The following PAX5 variants were observed in gnomAD, a reference collection of about 807,000 sequenced individuals.
PAX5 encodes paired box protein Pax-5.
A neutral mutation model predicts 43.7 loss-of-function variants in PAX5; 9 were observed. The ratio of observed to expected loss-of-function variants is 0.21; its 90% CI spans 0.12 to 0.36. The LOEUF (loss-of-function observed/expected upper bound fraction) is 0.36, where lower values mean the gene tolerates loss of function less well. Ranked by LOEUF, PAX5 falls within the 10% of genes least tolerant of loss-of-function variation. The pLI is 1.00. For synonymous variants in PAX5, 228 were observed against 214.3 expected (o/e 1.06, Z -0.56); for missense variants, 383 against 532.7 (o/e 0.72, Z 2.77).
chr9:36,873,492 G>A (rs1587833896), intron 8 of PAX5, among the ~76,000 whole-genome samples: 1 of 152,258 alleles, frequency 6.6e-6, no homozygotes, highest in Non-Finnish European at 1.5e-5. Flanking sequence ...AGTCAGGAAC[G>A]AGCAACAGGT....
At chr9:36,904,477 A>T (rs770626116) in intron 7 of PAX5, among the ~76,000 whole-genome samples, 1 of 152,202 alleles carries the variant, frequency 6.6e-6, no homozygotes, top group Non-Finnish European at 1.5e-5. Context: ...CATTCATGCC[A>T]GAAACAACCT....
intron 8 of PAX5, among the ~76,000 whole-genome samples, chr9:36,848,262 T>A (rs1186759813): frequency 3.3e-5 from 5 of 151,666 alleles, no homozygotes; most frequent in Non-Finnish European, 7.4e-5. Flanking sequence ...GGGGCAGGAA[T>A]AATGAGGCAG....
intron 6 of PAX5, among the ~76,000 whole-genome samples, chr9:36,966,310 C>A (rs555222123): frequency 2.6e-5 from 4 of 152,314 alleles, no homozygotes; most frequent in Admixed American, 1.3e-4. Context: ...AGTCACCCAC[C>A]CCCTGGCTGG....
chr9:36,943,567 C>CAG (rs1832245576), intron 6 of PAX5, among the ~76,000 whole-genome samples: 1 of 151,308 alleles, frequency 6.6e-6, no homozygotes, highest in Non-Finnish European at 1.5e-5. Context: ...CACACACACA[C>CAG]AGCTACATAT....
intron 6 of PAX5, among the ~76,000 whole-genome samples, chr9:36,960,953 C>A (rs1463980184): frequency 6.6e-6 from 1 of 152,204 alleles, no homozygotes; most frequent in Non-Finnish European, 1.5e-5. Flanking sequence ...CTCCAGGAAG[C>A]CTTCCTCTTT....
chr9:36,931,490 C>G (rs1008331761), intron 6 of PAX5, among the ~76,000 whole-genome samples: 9 of 152,262 alleles, frequency 5.9e-5, no homozygotes, highest in Admixed American at 5.2e-4. Flanking sequence ...AGAGACAAAT[C>G]GATAGTCACA....
At chr9:36,889,362 TG>T (rs1391291948) in intron 7 of PAX5, among the ~76,000 whole-genome samples, 5 of 152,264 alleles carry the variant, frequency 3.3e-5, no homozygotes, top group Non-Finnish European at 7.3e-5. Context: ...CTAATATTTT[TG>T]TAGAATTTAC....
chr9:36,987,637 G>A (rs749359139), intron 5 of PAX5, among the ~76,000 whole-genome samples: 9 of 152,196 alleles, frequency 5.9e-5, no homozygotes, highest in Non-Finnish European at 1.3e-4. Context: ...GGCTCTGCTC[G>A]TTCCCTCTCC....
intron 5 of PAX5, among the ~76,000 whole-genome samples, chr9:36,986,230 TAA>T (rs1476288766): frequency 6.6e-6 from 1 of 150,670 alleles, no homozygotes; most frequent in African/African-American, 2.4e-5. Context: ...CCCCGGCAAA[TAA>T]AGTCATTCAT....
At chr9:36,946,104 C>T (rs1270960864) in intron 6 of PAX5, among the ~76,000 whole-genome samples, 1 of 151,830 alleles carries the variant, frequency 6.6e-6, no homozygotes. Context: ...TGCAGTGCTC[C>T]ATCAGGAAGC....
intron 7 of PAX5, among the ~76,000 whole-genome samples, chr9:36,903,622 GA>G (rs1828578952): frequency 6.6e-6 from 1 of 152,222 alleles, no homozygotes; most frequent in Non-Finnish European, 1.5e-5. Flanking sequence ...TCCCAAGAAA[GA>G]AGGAGCAATC....
chr9:37,010,185 C>T (rs1168945327), intron 3 of PAX5, among the ~76,000 whole-genome samples: 1 of 152,178 alleles, frequency 6.6e-6, no homozygotes, highest in Non-Finnish European at 1.5e-5. Context: ...TTTTCTAAGC[C>T]AGGGACAGTT....
At chr9:36,922,963 T>A (rs2297109) in intron 7 of PAX5, 138,834 of 182,324 alleles carry the variant, frequency 0.76, 53,116 homozygotes, top group East Asian at 0.8. Flanking sequence ...CCTGCCAACA[T>A]CAATCTGCAA....
At chr9:36,916,437 A>G (rs1483611141) in intron 7 of PAX5, among the ~76,000 whole-genome samples, 1 of 152,172 alleles carries the variant, frequency 6.6e-6, no homozygotes, top group Non-Finnish European at 1.5e-5. Flanking sequence ...TAATTTGTCT[A>G]TTATTTAGCA....
chr9:36,901,164 T>C (rs1936637), intron 7 of PAX5, among the ~76,000 whole-genome samples: 54,863 of 151,768 alleles, frequency 0.36, 10,122 homozygotes, highest in East Asian at 0.57. Flanking sequence ...GAGTCGACTC[T>C]CCTCAGGGCT....
chr9:36,987,058 A>G lies in PAX5; in HGVS notation c.604+15590T>C, dbSNP rs544138243. Among the ~76,000 whole-genome samples the G allele has an allele frequency of 2.2e-4, 33 of 152,276 alleles. 1 individual carries two copies. In the South Asian group the frequency reaches 6.6e-3, roughly 31 times the overall value. On this transcript the variant is annotated intron_variant, in intron 5 of 9. Coordinates refer to ENST00000358127, the MANE Select transcript of PAX5 (RefSeq NM_016734.3). ...CTAATCTTCCCCCACAGCCCTCCGA[A>G]GCAGATACTGTTACTGTCCGACTTC...
chr9:36,872,119 G>T (rs1204150740), intron 8 of PAX5, among the ~76,000 whole-genome samples: 2 of 152,238 alleles, frequency 1.3e-5, no homozygotes, highest in Non-Finnish European at 2.9e-5. Flanking sequence ...CCAAAAGCCA[G>T]CCCTGGCCTG....
chr9:36,857,402 C>A (rs1563897863), intron 8 of PAX5, among the ~76,000 whole-genome samples: 1 of 152,172 alleles, frequency 6.6e-6, no homozygotes, highest in African/African-American at 2.4e-5. Flanking sequence ...CAGAGCTAGG[C>A]CCCCAGTAAG....
chr9:36,897,921 C>A (rs1359658010), intron 7 of PAX5, among the ~76,000 whole-genome samples: 2 of 152,210 alleles, frequency 1.3e-5, no homozygotes, highest in African/African-American at 4.8e-5. Context: ...GCTGAGCCAT[C>A]CTTGAGCCTA....
Sources: allele counts gnomAD v4.1 joint callset (sites outside exome capture counted in the v4.1 genomes callset), GRCh38; gene constraint gnomAD v4.1.1; transcripts MANE v1.5; gene names NCBI Gene and HGNC (gene_info 2026-07-23, HGNC 2026-07-21).